Variants in PVT1 observed in about 807,000 individuals in gnomAD.
PVT1 encodes CXCR4/PVT1 fusion.
At chr8:127,954,832 A>G (rs559336484) in intron 3 of PVT1, among the ~76,000 whole-genome samples, 1 of 152,130 alleles carries the variant, frequency 6.6e-6, no homozygotes, top group Admixed American at 6.5e-5. Context: ...TGAGCTCTGT[A>G]CCATGGGCCA....
intron 5 of PVT1, among the ~76,000 whole-genome samples, chr8:128,082,140 T>G (rs1814189920): frequency 6.6e-6 from 1 of 152,242 alleles, no homozygotes; most frequent in Admixed American, 6.5e-5. Flanking sequence ...AATTATTGAT[T>G]GCTTAGTATT....
Position 128,041,242 on chromosome 8 carries a change from TTG to T in PVT1, n.913-28908_913-28907del, listed in dbSNP as rs370425738. ...GTGTGTGTGCATGTGTGTGTGTTGT[TTG>T]TGTGTGTGTTTGTGCATGTGTGTGC... On this transcript the variant is annotated intron_variant and non_coding_transcript_variant, in intron 4 of 10. Coordinates refer to ENST00000651587, the Ensembl canonical transcript of PVT1. 7.4e-3 allele frequency among the ~76,000 whole-genome samples: 1,026 copies of T among 139,112 alleles called. 10 individuals are homozygous for T. The highest frequency in any genetic ancestry group is 0.024 in the African/African-American group (918 of 37,746). The allele number at this position is 139,112 out of a possible 152,430, so 91.3% of individuals were successfully genotyped here.
At chr8:127,826,994 CTTT>C (rs5894901) in intron 2 of PVT1, among the ~76,000 whole-genome samples, 4,767 of 113,866 alleles carry the variant, frequency 0.042, 114 homozygotes, top group Middle Eastern at 0.054. Flanking sequence ...TTCTTTTTCT[CTTT>C]TTTTTTTTTT....
At chr8:127,943,556 G>A (rs936576797) in intron 3 of PVT1, among the ~76,000 whole-genome samples, 4 of 152,106 alleles carry the variant, frequency 2.6e-5, no homozygotes, top group African/African-American at 7.2e-5. Context: ...GATGTTGCTC[G>A]GCATCTCTGG....
At chr8:128,026,061 C>A (rs1196570910) in intron 4 of PVT1, among the ~76,000 whole-genome samples, 1 of 152,020 alleles carries the variant, frequency 6.6e-6, no homozygotes, top group Non-Finnish European at 1.5e-5. Context: ...AAGTGATTCT[C>A]CTGCCAGAGT....
chr8:127,813,346 A>G (rs1814623491), intron 2 of PVT1, among the ~76,000 whole-genome samples: 1 of 151,670 alleles, frequency 6.6e-6, no homozygotes, highest in Non-Finnish European at 1.5e-5. Context: ...CCAGGATCCC[A>G]TGGAGAGGAA....
intron 2 of PVT1, among the ~76,000 whole-genome samples, chr8:127,807,828 C>T (rs1444257957): frequency 1.4e-5 from 2 of 147,812 alleles, no homozygotes; most frequent in Non-Finnish European, 3.0e-5. Flanking sequence ...AGTGCAGTGG[C>T]GCCATCTCGG....
chr8:127,806,186 G>A (rs552372196), intron 2 of PVT1, among the ~76,000 whole-genome samples: 7 of 152,178 alleles, frequency 4.6e-5, no homozygotes, highest in Non-Finnish European at 7.4e-5. Flanking sequence ...TAGATGGCTG[G>A]GCACCGTGGC....
At chr8:127,995,853 G>A (rs1444091187) in intron 4 of PVT1, among the ~76,000 whole-genome samples, 2 of 152,136 alleles carry the variant, frequency 1.3e-5, no homozygotes, top group African/African-American at 2.4e-5. Flanking sequence ...CCTGCGGAAC[G>A]TATGTGAAGC....
At chr8:127,809,064 A>G (rs1207523739) in intron 2 of PVT1, among the ~76,000 whole-genome samples, 4 of 146,382 alleles carry the variant, frequency 2.7e-5, no homozygotes, top group Non-Finnish European at 4.5e-5. Flanking sequence ...AAGAAAGAAA[A>G]AAAAGAAAAA....
intron 2 of PVT1, among the ~76,000 whole-genome samples, chr8:127,812,234 G>GGAAGGAAA (rs1814603749): frequency 8.0e-6 from 1 of 125,580 alleles, no homozygotes; most frequent in African/African-American, 3.8e-5. Flanking sequence ...CAGGAAGGCA[G>GGAAGGAAA]GAAGGAAGGA....
chr8:128,041,925 C>T (rs1312510409), intron 4 of PVT1, among the ~76,000 whole-genome samples: 1 of 152,186 alleles, frequency 6.6e-6, no homozygotes, highest in Non-Finnish European at 1.5e-5. Flanking sequence ...ACAGTCCCTC[C>T]AGTGTTCTGG....
At chr8:128,014,786 A>G (rs2130042261) in intron 4 of PVT1, among the ~76,000 whole-genome samples, 1 of 152,384 alleles carries the variant, frequency 6.6e-6, no homozygotes, top group Non-Finnish European at 1.5e-5. Flanking sequence ...GAATGTGGAC[A>G]GGAAAGCTAA....
chr8:127,947,998 C>G (rs1385642774), intron 3 of PVT1: 1 of 440,522 alleles, frequency 2.3e-6, no homozygotes, highest in Non-Finnish European at 4.6e-6. Context: ...AACACATTGC[C>G]TTTCTTTAAT....
At chr8:127,894,095 G>T (rs537377116) in intron 3 of PVT1, among the ~76,000 whole-genome samples, 1 of 152,212 alleles carries the variant, frequency 6.6e-6, no homozygotes, top group Non-Finnish European at 1.5e-5. Context: ...GTCCCAACCT[G>T]TGTTGTTTTC....
At chr8:127,868,956 A>G (rs1356838743) in intron 2 of PVT1, among the ~76,000 whole-genome samples, 1 of 151,132 alleles carries the variant, frequency 6.6e-6, no homozygotes, top group Admixed American at 6.6e-5. Flanking sequence ...TGCTGGACCA[A>G]AGTCAATAAC....
chr8:127,959,776 A>C (rs1816617208), intron 3 of PVT1, among the ~76,000 whole-genome samples: 1 of 152,038 alleles, frequency 6.6e-6, no homozygotes, highest in South Asian at 2.1e-4. Context: ...ACCGGTTAGG[A>C]AATGGCAGAA....
At chr8:127,979,993 C>T (rs1816865064) in intron 3 of PVT1, among the ~76,000 whole-genome samples, 1 of 144,196 alleles carries the variant, frequency 6.9e-6, no homozygotes, top group Admixed American at 7.3e-5. Context: ...GATCCTTCCA[C>T]CTCAGCCTCC....
chr8:128,011,245 GTTTA>G (rs1171706418), intron 4 of PVT1, among the ~76,000 whole-genome samples: 1 of 152,180 alleles, frequency 6.6e-6, no homozygotes, highest in East Asian at 1.9e-4. Flanking sequence ...ATTTGCTTCT[GTTTA>G]GCAAGATAAT....
Sources: allele counts gnomAD v4.1 joint callset (sites outside exome capture counted in the v4.1 genomes callset), GRCh38; gene constraint gnomAD v4.1.1; transcripts MANE v1.5; gene names NCBI Gene and HGNC (gene_info 2026-07-23, HGNC 2026-07-21).